Variants in WNT7B observed in about 807,000 individuals in gnomAD.
The protein encoded by WNT7B is protein Wnt-7b.
In WNT7B, 19 loss-of-function variants were observed where a neutral mutation model predicts 38.2. The observed-to-expected ratio is 0.50, with a 90% CI of 0.35 to 0.73. WNT7B has a LOEUF of 0.73. Ranked by LOEUF, WNT7B falls within the 30% of genes least tolerant of loss-of-function variation. The pLI, the probability that WNT7B is intolerant of heterozygous loss-of-function variation, is 0.01. For synonymous variants in WNT7B, 243 were observed against 209.3 expected (o/e 1.16, Z -1.39); for missense variants, 423 against 507.9 (o/e 0.83, Z 1.61).
chr22:45,924,491 C>T (rs1172110410), intron 3 of WNT7B, among the ~76,000 whole-genome samples: 1 of 152,208 alleles, frequency 6.6e-6, no homozygotes, highest in Non-Finnish European at 1.5e-5. Context: ...AGTGAGGGTC[C>T]TTGAGGTAGG....
intron 3 of WNT7B, among the ~76,000 whole-genome samples, chr22:45,924,147 G>A (rs979180524): frequency 9.2e-5 from 14 of 152,196 alleles, no homozygotes; most frequent in East Asian, 5.8e-4. Flanking sequence ...GGCGCCCCAC[G>A]GCTGCAGAGA....
At position 45,965,427 on chromosome 22, in the gene WNT7B, T is replaced by C. The variant is rs1932291294; in HGVS notation, c.71+11257A>G. On this transcript the variant is annotated intron_variant, in intron 1 of 3. Transcript: ENST00000339464. This position sits in a 1 kb window ranked among gnomAD's most constrained non-coding sequence, Gnocchi z 6.5. ...ACCCGCGGGGGCTGCCGTCACGCTG[T>C]GGGCATGAAGGGAAAGTTCAGGGTG... is the stretch of plus-strand genomic sequence containing the variant. Among the ~76,000 whole-genome samples the C allele has an allele frequency of 6.6e-6, 1 of 151,820 alleles. No individual in the cohort carries two copies. The highest frequency in any genetic ancestry group is 1.5e-5 in the Non-Finnish European group (1 of 67,946).
At chr22:45,959,350 C>T (rs866254212) in intron 1 of WNT7B, among the ~76,000 whole-genome samples, 69 of 152,246 alleles carry the variant, frequency 4.5e-4, no homozygotes, top group African/African-American at 1.6e-3. Context: ...TGAGAAAATG[C>T]CCACGGTCCA....
chr22:45,974,201 G>A (rs932118876), intron 1 of WNT7B, among the ~76,000 whole-genome samples: 1 of 152,202 alleles, frequency 6.6e-6, no homozygotes. Flanking sequence ...AGGGGGTGTT[G>A]TGACCCCATT....
At chr22:45,953,260 TCCC>T (rs1931979927) in intron 1 of WNT7B, among the ~76,000 whole-genome samples, 1 of 145,370 alleles carries the variant, frequency 6.9e-6, no homozygotes, top group Non-Finnish European at 1.5e-5. Context: ...GTCCTCGGCT[TCCC>T]CTCACAGTCA....
chr22:45,974,346 A>T (rs552058759), intron 1 of WNT7B, among the ~76,000 whole-genome samples: 11 of 152,328 alleles, frequency 7.2e-5, no homozygotes, highest in South Asian at 2.1e-4. Context: ...ATGGGCTTCC[A>T]GGTCATTTAA....
At position 45,975,762 on chromosome 22, in the gene WNT7B, G is replaced by T; in HGVS notation, c.71+922C>A. 1 of 372,290 alleles carries T rather than the reference G, an allele frequency of 2.7e-6. No homozygotes were observed. Among genetic ancestry groups the T allele is most frequent in the East Asian group, 4.1e-5 (1 of 24,320 alleles). 23.1% of individuals were successfully genotyped at this position (372,290 alleles called of 1,614,324 possible). A position where few individuals can be genotyped will look rare whatever the true frequency, so the allele number is the denominator to read the frequency against. On this transcript the variant is annotated intron_variant, in intron 1 of 3. Coordinates refer to ENST00000339464, the MANE Select transcript of WNT7B (RefSeq NM_058238.3). This position sits in a 1 kb window ranked among gnomAD's most constrained non-coding sequence, Gnocchi z 6.6. ...AGGCGCGCAGGGCGCGGCGGGGCCC[G>T]GGTCCCCGCAGGTGCGAGGAGCGCG...
At position 45,926,241 on chromosome 22, in the gene WNT7B, T is replaced by G. The variant is rs1931079962; in HGVS notation, c.571-2906A>C. ...GCCCTGGGCATTCGAGCAACAGCAATGGTGGTGCCAGCACTGAGACCGGCC... is the reference window on the plus strand; with the variant it reads ...GCCCTGGGCATTCGAGCAACAGCAAGGGTGGTGCCAGCACTGAGACCGGCC... On this transcript the variant is annotated intron_variant, in intron 3 of 3. Transcript: ENST00000339464. 3 of 985,154 alleles carry G rather than the reference T, an allele frequency of 3.0e-6. No individual in the cohort carries two copies. The South Asian group carries it at 1.4e-4, about 46-fold the overall frequency. 61.0% of individuals were successfully genotyped at this position (985,154 alleles called of 1,614,324 possible).
At chr22:45,928,506 T>G (rs1346708609) in intron 3 of WNT7B, among the ~76,000 whole-genome samples, 1 of 150,482 alleles carries the variant, frequency 6.6e-6, no homozygotes, top group Non-Finnish European at 1.5e-5. Context: ...CCACCGGCCA[T>G]CCGAGACAAG....
At chr22:45,930,293 G>A (rs942698967) in intron 3 of WNT7B, among the ~76,000 whole-genome samples, 8 of 152,242 alleles carry the variant, frequency 5.3e-5, no homozygotes, top group East Asian at 1.9e-4. Context: ...CCCTGGGCCC[G>A]AGGGATTCTT....
chr22:45,959,975 G>T (rs189587936), intron 1 of WNT7B, among the ~76,000 whole-genome samples: 1 of 152,154 alleles, frequency 6.6e-6, no homozygotes, highest in African/African-American at 2.4e-5. Context: ...GCCCTCCCCC[G>T]CAGATAACAT....
chr22:45,938,875 C>T (rs577148243), intron 2 of WNT7B, among the ~76,000 whole-genome samples: 3 of 152,238 alleles, frequency 2.0e-5, no homozygotes, highest in South Asian at 4.1e-4. Context: ...ATCACATGGA[C>T]CCCATAAATA....
intron 1 of WNT7B, chr22:45,972,133 G>T (rs769924586): frequency 1.5e-5 from 2 of 130,672 alleles, no homozygotes; most frequent in Admixed American, 1.5e-4. Flanking sequence ...CGCCCACCCC[G>T]CACGCCGCCC....
chr22:45,945,516 T>C (rs114902162), intron 2 of WNT7B, among the ~76,000 whole-genome samples: 2,375 of 152,354 alleles, frequency 0.016, 56 homozygotes, highest in African/African-American at 0.053. Context: ...AATCCATGCA[T>C]ATCTTACACT....
intron 2 of WNT7B, among the ~76,000 whole-genome samples, chr22:45,941,631 C>T (rs574268621): frequency 7.9e-5 from 12 of 152,150 alleles, no homozygotes; most frequent in Admixed American, 2.6e-4. Flanking sequence ...AGAGTTGCCT[C>T]GGCCACGGGT....
intron 2 of WNT7B, among the ~76,000 whole-genome samples, chr22:45,940,275 G>C (rs1258320145): frequency 2.0e-5 from 3 of 152,108 alleles, no homozygotes; most frequent in Non-Finnish European, 4.4e-5. Context: ...CTGGGCTCAG[G>C]AGAGGCAGGC....
At position 45,923,149 on chromosome 22, in the gene WNT7B, G is replaced by T. The variant is rs145417233; in HGVS notation, c.757C>A (p.Arg253Ser). Residue 253 changes from arginine to serine, a missense_variant, in exon 4 of 4, where the codon CGC (arginine) becomes AGC (serine). By Grantham distance (110) the Arg-to-Ser change is moderately radical (BLOSUM62 -1). Transcript: ENST00000339464. ...TGATAGCTGCGCAGCTGTTTGATGC[G>T]CAGGAAGGTGGGCTGCCGCAGACGG... The part of the protein sequence containing the change: ...ASRLRQPTFL[R>S]IKQLRSYQKP... The T allele has an allele frequency of 2.5e-6, 4 of 1,613,540 alleles. No homozygotes were observed. The highest frequency in any genetic ancestry group is 2.5e-6 in the Non-Finnish European group (3 of 1,180,006).
At chr22:45,931,957 A>G (rs1163886822) in intron 2 of WNT7B, among the ~76,000 whole-genome samples, 2 of 152,078 alleles carry the variant, frequency 1.3e-5, no homozygotes, top group Admixed American at 1.3e-4. Flanking sequence ...CTTTGTTGCC[A>G]TCTCCCTCTT....
rs540357686 is a variant in WNT7B, at chr22:45,965,299, G to T, written c.71+11385C>A. ...TCATCACAGATGGCTTAGAGCTCCT[G>T]CTGTGGGTCCCACAGGGCTTTGTGT... On this transcript the variant is annotated intron_variant, in intron 1 of 3. Coordinates refer to ENST00000339464, the MANE Select transcript of WNT7B (RefSeq NM_058238.3). The surrounding 1 kb of genome is among the most constrained non-coding windows in gnomAD (Gnocchi z 6.5). Among the ~76,000 whole-genome samples the T allele has an allele frequency of 1.4e-4, 21 of 152,328 alleles. No individual in the cohort carries two copies. The highest frequency in any genetic ancestry group is 3.4e-3 in the Middle Eastern group (1 of 294).
Sources: allele counts gnomAD v4.1 joint callset (sites outside exome capture counted in the v4.1 genomes callset), GRCh38; gene constraint gnomAD v4.1.1; non-coding constraint Gnocchi (gnomAD v3.1); transcripts MANE v1.5; gene names NCBI Gene and HGNC (gene_info 2026-07-23, HGNC 2026-07-21).